The following CCNY variants were observed in gnomAD, a reference collection of about 807,000 sequenced individuals.
CCNY encodes the protein cyclin-Y.
Under a neutral mutation model 42.8 loss-of-function variants are expected in CCNY, and 19 were observed. That is an observed-to-expected ratio of 0.44 (90% confidence interval 0.31 to 0.65). The LOEUF (loss-of-function observed/expected upper bound fraction) is 0.65. Among genes scored for constraint, CCNY ranks in the 30% least tolerant of loss-of-function variants. The probability of loss-of-function intolerance (pLI) is 0.07; values close to 1 mark genes in which losing one functional copy is unlikely to be tolerated. For synonymous variants in CCNY, 165 were observed against 162.7 expected (o/e 1.01, Z -0.11); for missense variants, 370 against 437.3 (o/e 0.85, Z 1.37).
chr10:35,423,429 T>G (rs1411772721), intron 1 of CCNY, among the ~76,000 whole-genome samples: 1 of 151,208 alleles, frequency 6.6e-6, no homozygotes, highest in Non-Finnish European at 1.5e-5. Context: ...TGAATCATGA[T>G]TATACCAATG....
intron 1 of CCNY, among the ~76,000 whole-genome samples, chr10:35,406,869 C>G (rs886214917): frequency 9.9e-5 from 15 of 151,704 alleles, no homozygotes; most frequent in East Asian, 1.9e-4. Flanking sequence ...CTGACCCCCC[C>G]CCACCTCCGT....
At chr10:35,373,839 A>C (rs1836992325) in intron 1 of CCNY, among the ~76,000 whole-genome samples, 1 of 152,284 alleles carries the variant, frequency 6.6e-6, no homozygotes, top group Middle Eastern at 3.4e-3. Flanking sequence ...GTTTTTGGGG[A>C]GTCAAAAGTT....
intron 3 of CCNY, among the ~76,000 whole-genome samples, chr10:35,289,822 T>C (rs1194328783): frequency 7.1e-6 from 1 of 140,438 alleles, no homozygotes; most frequent in Non-Finnish European, 1.5e-5. Flanking sequence ...TGTTTTGCAG[T>C]GAGCTGAAAT....
chr10:35,338,370 A>C (rs1836099175), intron 1 of CCNY, among the ~76,000 whole-genome samples: 1 of 152,252 alleles, frequency 6.6e-6, no homozygotes, highest in Non-Finnish European at 1.5e-5. Context: ...CCATGTATAA[A>C]GGGAGTAACA....
At chr10:35,401,181 A>G (rs765973585) in intron 1 of CCNY, among the ~76,000 whole-genome samples, 4 of 152,204 alleles carry the variant, frequency 2.6e-5, no homozygotes, top group Non-Finnish European at 4.4e-5. Context: ...GTTGGACTCT[A>G]CCTGCCCTTG....
At chr10:35,548,546 T>G (rs913244907) in intron 7 of CCNY, among the ~76,000 whole-genome samples, 2 of 152,124 alleles carry the variant, frequency 1.3e-5, no homozygotes, top group Non-Finnish European at 2.9e-5. Flanking sequence ...TCTGCCCACC[T>G]TGGCCTCCCG....
intron 3 of CCNY, among the ~76,000 whole-genome samples, chr10:35,287,344 A>G (rs1192081220): frequency 6.6e-6 from 1 of 152,222 alleles, no homozygotes; most frequent in African/African-American, 2.4e-5. Flanking sequence ...TAAACAGTTC[A>G]TTAATTTACA....
At chr10:35,284,732 T>C (rs1245347504) in intron 3 of CCNY, among the ~76,000 whole-genome samples, 3 of 152,122 alleles carry the variant, frequency 2.0e-5, no homozygotes, top group African/African-American at 7.2e-5. Flanking sequence ...CTTTTTCTTT[T>C]TCTAATATAA....
At chr10:35,394,729 T>C (rs1050027141) in intron 1 of CCNY, 7 of 379,928 alleles carry the variant, frequency 1.8e-5, no homozygotes, top group African/African-American at 6.6e-5. Context: ...GATTTTTGTT[T>C]GTTTTGTTTT....
At chr10:35,554,811 A>C (rs1841330624) in intron 8 of CCNY, among the ~76,000 whole-genome samples, 1 of 152,230 alleles carries the variant, frequency 6.6e-6, no homozygotes, top group Non-Finnish European at 1.5e-5. Flanking sequence ...TTCCAAAAGG[A>C]AGTGAGAGAC....
intron 1 of CCNY, among the ~76,000 whole-genome samples, chr10:35,342,466 A>G (rs1051689656): frequency 6.6e-6 from 1 of 152,224 alleles, no homozygotes; most frequent in South Asian, 2.1e-4. Context: ...CAAGAGAGCC[A>G]TTCTCCATAG....
intron 3 of CCNY, among the ~76,000 whole-genome samples, chr10:35,286,911 C>T (rs374007189): frequency 2.6e-5 from 4 of 152,080 alleles, no homozygotes; most frequent in African/African-American, 7.2e-5. Flanking sequence ...CCACCTGCCT[C>T]GGCCTCTCAA....
intron 3 of CCNY, among the ~76,000 whole-genome samples, chr10:35,318,438 C>T (rs1835785080): frequency 1.3e-5 from 2 of 152,040 alleles, no homozygotes; most frequent in Admixed American, 1.3e-4. Context: ...ATATATACTC[C>T]TATATCTACT....
intron 1 of CCNY, among the ~76,000 whole-genome samples, chr10:35,473,385 T>C (rs1432234521): frequency 1.3e-5 from 2 of 152,200 alleles, no homozygotes; most frequent in Non-Finnish European, 2.9e-5. Context: ...AGAGTAACTA[T>C]TTAAATTTTA....
intron 1 of CCNY, among the ~76,000 whole-genome samples, chr10:35,413,577 A>C (rs907169485): frequency 2.0e-5 from 3 of 152,244 alleles, no homozygotes; most frequent in Admixed American, 6.5e-5. Context: ...TGTCTGGGAC[A>C]GAAGCTCTGG....
intron 1 of CCNY, among the ~76,000 whole-genome samples, chr10:35,366,153 T>C (rs760345691): frequency 4.6e-5 from 7 of 152,264 alleles, no homozygotes; most frequent in Non-Finnish European, 7.3e-5. Context: ...CAGTGTGTGC[T>C]TCTAAATGAG....
At chr10:35,448,068 G>A (rs1298305871) in intron 1 of CCNY, among the ~76,000 whole-genome samples, 1 of 152,178 alleles carries the variant, frequency 6.6e-6, no homozygotes, top group East Asian at 1.9e-4. Flanking sequence ...AGCCAGTGAA[G>A]GAGACCGCCT....
chr10:35,538,157 C>T (rs1840924364), intron 7 of CCNY, among the ~76,000 whole-genome samples: 1 of 152,198 alleles, frequency 6.6e-6, no homozygotes, highest in South Asian at 2.1e-4. Context: ...ACCTGCTCCT[C>T]CTTGCCTTCC....
chr10:35,344,427 C>T (rs1185389374), intron 1 of CCNY, among the ~76,000 whole-genome samples: 2 of 152,176 alleles, frequency 1.3e-5, no homozygotes, highest in Non-Finnish European at 2.9e-5. Flanking sequence ...CGCCGTGGCT[C>T]ATGCCTGTAA....
Sources: allele counts gnomAD v4.1 joint callset (sites outside exome capture counted in the v4.1 genomes callset), GRCh38; gene constraint gnomAD v4.1.1; transcripts MANE v1.5; gene names NCBI Gene and HGNC (gene_info 2026-07-23, HGNC 2026-07-21).